Variants in STAG1 observed in about 807,000 individuals in gnomAD.
STAG1 encodes cohesin subunit SA-1.
A neutral mutation model predicts 170.9 loss-of-function variants in STAG1; 26 were observed. That is an observed-to-expected ratio of 0.15 (90% CI 0.11 to 0.21). The LOEUF is 0.21. Among genes scored for constraint, STAG1 ranks in the 10% least tolerant of loss-of-function variants. STAG1 has a pLI of 1.00. For synonymous variants in STAG1, 514 were observed against 497.7 expected (o/e 1.03, Z -0.44); for missense variants, 964 against 1,509.5 (o/e 0.64, Z 5.99).
chr3:136,387,776 G>A (rs2086909482), intron 22 of STAG1, among the ~76,000 whole-genome samples: 1 of 152,160 alleles, frequency 6.6e-6, no homozygotes, highest in Admixed American at 6.5e-5. Flanking sequence ...TTGCCTCAAA[G>A]GCTAATCCAC....
intron 1 of STAG1, among the ~76,000 whole-genome samples, chr3:136,645,478 T>C (rs923325190): frequency 2.0e-5 from 3 of 152,244 alleles, no homozygotes; most frequent in Non-Finnish European, 4.4e-5. Context: ...ACATCACTCT[T>C]CCTCTTCTTC....
At chr3:136,705,840 A>G (rs919153232) in intron 1 of STAG1, among the ~76,000 whole-genome samples, 3 of 152,122 alleles carry the variant, frequency 2.0e-5, no homozygotes, top group African/African-American at 7.2e-5. Context: ...ACATATTATC[A>G]GGCTAAAAAA....
chr3:136,359,468 T>G (rs563378622), intron 26 of STAG1, among the ~76,000 whole-genome samples, 172 bp from the exon 27 acceptor site: 1 of 152,304 alleles, frequency 6.6e-6, no homozygotes, highest in South Asian at 2.1e-4. Flanking sequence ...ATTAATAGCT[T>G]GAGTTAATTT....
intron 1 of STAG1, among the ~76,000 whole-genome samples, chr3:136,712,063 G>A (rs1943397787): frequency 6.6e-6 from 1 of 152,170 alleles, no homozygotes; most frequent in Non-Finnish European, 1.5e-5. Flanking sequence ...CTGTCGCCAG[G>A]CTGGAATGCA....
chr3:136,705,151 G>A (rs1201993424), intron 1 of STAG1, among the ~76,000 whole-genome samples: 11 of 151,940 alleles, frequency 7.2e-5, no homozygotes, highest in African/African-American at 2.7e-4. Flanking sequence ...CAAGGCAGGC[G>A]GATCACAAGG....
At chr3:136,579,103 T>C (rs776108752) in intron 4 of STAG1, among the ~76,000 whole-genome samples, 1 of 152,212 alleles carries the variant, frequency 6.6e-6, no homozygotes, top group Non-Finnish European at 1.5e-5. Flanking sequence ...TAGAGGGATC[T>C]TGAAGAATGA....
At chr3:136,741,281 C>A (rs1934656817) in intron 1 of STAG1, among the ~76,000 whole-genome samples, 1 of 152,228 alleles carries the variant, frequency 6.6e-6, no homozygotes, top group Admixed American at 6.5e-5. Flanking sequence ...GCTACTGACA[C>A]AGTGCATCGT....
chr3:136,450,536 A>G (rs2088906334), intron 14 of STAG1, among the ~76,000 whole-genome samples: 1 of 152,174 alleles, frequency 6.6e-6, no homozygotes, highest in Non-Finnish European at 1.5e-5. Context: ...GTTCTTCTCC[A>G]ATTTTAATTT....
chr3:136,747,525 T>C (rs555777767), intron 1 of STAG1, among the ~76,000 whole-genome samples: 11 of 151,796 alleles, frequency 7.2e-5, no homozygotes, highest in African/African-American at 2.7e-4. Flanking sequence ...CTCATCTCTA[T>C]ACAAAATACA....
At chr3:136,516,020 T>C (rs1396709084) in intron 7 of STAG1, among the ~76,000 whole-genome samples, 2 of 151,834 alleles carry the variant, frequency 1.3e-5, no homozygotes, top group African/African-American at 4.8e-5. Flanking sequence ...TTTTGAAAAA[T>C]GAATATAAAA....
intron 16 of STAG1, among the ~76,000 whole-genome samples, chr3:136,425,699 T>G (rs1473122217): frequency 2.0e-5 from 3 of 150,392 alleles, no homozygotes; most frequent in Non-Finnish European, 3.0e-5. Flanking sequence ...TGTGTATGTA[T>G]GTATGTATGT....
chr3:136,588,380 A>C (rs911104920), intron 4 of STAG1, among the ~76,000 whole-genome samples: 2 of 152,106 alleles, frequency 1.3e-5, no homozygotes, highest in African/African-American at 4.8e-5. Context: ...CTTGATGCTC[A>C]GGCTGTAGTG....
intron 7 of STAG1, chr3:136,518,511 T>C (rs1378287171): frequency 1.6e-6 from 1 of 637,342 alleles, no homozygotes; most frequent in East Asian, 2.8e-5. Flanking sequence ...AAAATGTCCT[T>C]GAAAAGAGGG....
At chr3:136,370,671 C>T (rs1033112409) in intron 23 of STAG1, among the ~76,000 whole-genome samples, 1 of 152,150 alleles carries the variant, frequency 6.6e-6, no homozygotes, top group South Asian at 2.1e-4. Context: ...TCATCCATGT[C>T]CCTACAAAGG....
intron 4 of STAG1, among the ~76,000 whole-genome samples, chr3:136,581,017 G>A (rs1937580915): frequency 6.6e-6 from 1 of 151,818 alleles, no homozygotes; most frequent in Non-Finnish European, 1.5e-5. Context: ...AAAGTATCAG[G>A]AGAACAAAAA....
intron 5 of STAG1, among the ~76,000 whole-genome samples, chr3:136,546,655 A>C (rs1936168781): frequency 6.6e-6 from 1 of 152,196 alleles, no homozygotes; most frequent in Non-Finnish European, 1.5e-5. Flanking sequence ...TGAGTGAAAT[A>C]ATCTGATATA....
intron 4 of STAG1, chr3:136,586,963 G>C (rs1207539475): frequency 6.7e-6 from 3 of 450,228 alleles, no homozygotes; most frequent in African/African-American, 6.0e-5. Context: ...GAGGGGCTTA[G>C]ATTCCTGAAT....
At chr3:136,455,311 G>A (rs955055772) in intron 13 of STAG1, among the ~76,000 whole-genome samples, 3 of 152,110 alleles carry the variant, frequency 2.0e-5, no homozygotes, top group African/African-American at 4.8e-5. Context: ...AACCCTCTGG[G>A]CCCACAGAAT....
chr3:136,677,065 A>C (rs1942148900), intron 1 of STAG1, among the ~76,000 whole-genome samples: 2 of 152,108 alleles, frequency 1.3e-5, no homozygotes, highest in Non-Finnish European at 2.9e-5. Flanking sequence ...CTCCTTAAAG[A>C]CCTGCCAGAG....
Sources: gnomAD v4.1 joint callset for allele counts (sites outside exome capture counted in the v4.1 genomes callset) on GRCh38, gnomAD v4.1.1 for gene constraint, MANE v1.5 for transcripts, NCBI Gene and HGNC (gene_info 2026-07-23, HGNC 2026-07-21) for gene names.